The following SEZ6L variants were observed in gnomAD, a reference collection of about 807,000 sequenced individuals.
SEZ6L encodes the protein seizure 6-like protein.
In SEZ6L, 37 loss-of-function variants were observed where a neutral mutation model predicts 106.2. The ratio of observed to expected loss-of-function variants is 0.35; its 90% CI spans 0.27 to 0.46. SEZ6L has a LOEUF of 0.46. SEZ6L is among the 20% of genes least tolerant of loss of function. SEZ6L has a pLI of 1.00. For missense variants in SEZ6L, 1,172 were observed against 1,332.8 expected, an observed-to-expected ratio of 0.88 and a Z score of 1.88; for synonymous variants, 541 against 570.4, an observed-to-expected ratio of 0.95 and a Z score of 0.73.
intron 9 of SEZ6L, among the ~76,000 whole-genome samples, chr22:26,338,867 C>CT (rs71192914): frequency 6.6e-4 from 58 of 87,482 alleles, no homozygotes; most frequent in South Asian, 1.7e-3. Flanking sequence ...TTTTTTTTTT[C>CT]TTTTTTTTTT....
intron 1 of SEZ6L, among the ~76,000 whole-genome samples, chr22:26,194,193 G>T (rs1405873341): frequency 1.3e-5 from 2 of 152,188 alleles, no homozygotes; most frequent in African/African-American, 4.8e-5. Context: ...AACCTTACAT[G>T]CCACCATACT....
chr22:26,174,009 A>G (rs1178350338), intron 1 of SEZ6L, among the ~76,000 whole-genome samples: 1 of 152,170 alleles, frequency 6.6e-6, no homozygotes, highest in Admixed American at 6.5e-5. Flanking sequence ...GATCTATAGC[A>G]CTACGCATGC....
chr22:26,315,210 T>G (rs1343550716), intron 9 of SEZ6L, among the ~76,000 whole-genome samples: 1 of 152,178 alleles, frequency 6.6e-6, no homozygotes, highest in Non-Finnish European at 1.5e-5. Flanking sequence ...CTGGGTGCGG[T>G]GGCTCATGCC....
intron 1 of SEZ6L, among the ~76,000 whole-genome samples, chr22:26,275,492 AT>A (rs1176928048): frequency 2.0e-5 from 3 of 152,202 alleles, no homozygotes; most frequent in African/African-American, 4.8e-5. Flanking sequence ...CTATATTGTC[AT>A]TCCTCTTAAG....
At chr22:26,318,963 CT>C (rs969096175) in intron 9 of SEZ6L, among the ~76,000 whole-genome samples, 1 of 152,142 alleles carries the variant, frequency 6.6e-6, no homozygotes, top group Non-Finnish European at 1.5e-5. Context: ...GGGCCACACC[CT>C]GATTTGTAGC....
chr22:26,378,362 C>G (rs1016428116), intron 16 of SEZ6L, among the ~76,000 whole-genome samples: 4 of 152,068 alleles, frequency 2.6e-5, no homozygotes, highest in African/African-American at 9.7e-5. Flanking sequence ...ACATTGAGGT[C>G]CAGAGAGAGG....
At chr22:26,230,177 C>G (rs1268373901) in intron 1 of SEZ6L, among the ~76,000 whole-genome samples, 3 of 152,146 alleles carry the variant, frequency 2.0e-5, no homozygotes, top group African/African-American at 7.2e-5. Flanking sequence ...CTGAGACAAG[C>G]AGAATCTGCT....
At chr22:26,221,712 A>G (rs1574887) in intron 1 of SEZ6L, among the ~76,000 whole-genome samples, 123,490 of 151,984 alleles carry the variant, frequency 0.81, 51,030 homozygotes, top group Non-Finnish European at 0.89. Flanking sequence ...GTGTGTGTGC[A>G]CCTGAATTCA....
At chr22:26,343,324 CAAAAAA>C (rs763323751) in intron 10 of SEZ6L, among the ~76,000 whole-genome samples, 9 of 63,126 alleles carry the variant, frequency 1.4e-4, no homozygotes, top group African/African-American at 4.9e-4. Flanking sequence ...GCTTGATGGC[CAAAAAA>C]AAAAAAAAAA....
chr22:26,378,560 G>T (rs1251324201), intron 16 of SEZ6L, among the ~76,000 whole-genome samples: 1 of 152,146 alleles, frequency 6.6e-6, no homozygotes, highest in Non-Finnish European at 1.5e-5. Flanking sequence ...AAATTGAACA[G>T]GGCACTAGGA....
chr22:26,188,520 G>A lies in SEZ6L; in HGVS notation c.94+18757G>A, dbSNP rs541211202. Among the ~76,000 whole-genome samples the A allele has an allele frequency of 4.6e-5, 7 of 152,252 alleles. No homozygotes were observed. The East Asian group carries it at 1.4e-3, about 29-fold the overall frequency. On this transcript the variant is annotated intron_variant, in intron 1 of 16. Coordinates refer to ENST00000248933, the MANE Select transcript of SEZ6L (RefSeq NM_021115.5). Reference sequence around the variant, plus strand: ...AAGAGAGAGTGTCCTAAGAGCAAAAGTGCAAAGTGAAGCTCTCTAAACATG... The same window carrying A: ...AAGAGAGAGTGTCCTAAGAGCAAAAATGCAAAGTGAAGCTCTCTAAACATG...
At chr22:26,283,595 G>A (rs1283597483) in intron 1 of SEZ6L, among the ~76,000 whole-genome samples, 1 of 152,160 alleles carries the variant, frequency 6.6e-6, no homozygotes, top group Non-Finnish European at 1.5e-5. Flanking sequence ...GCAGTTTTCA[G>A]GATAATTCCT....
In SEZ6L at chr22:26,381,780, G is replaced by A; in HGVS notation, c.*1485G>A. On this transcript the variant is annotated 3_prime_UTR_variant, in exon 17 of 17. Coordinates refer to ENST00000248933, the MANE Select transcript of SEZ6L (RefSeq NM_021115.5). Reference sequence around the variant, plus strand: ...GTGTGAAGCAGATTCACCTTCCTGGGACCGGTGACATGGTGGTGACAGTCA... The same window carrying A: ...GTGTGAAGCAGATTCACCTTCCTGGAACCGGTGACATGGTGGTGACAGTCA... The A allele has an allele frequency of 3.4e-6, 1 of 293,468 alleles. No individual in the cohort carries two copies. The allele number at this position is 293,468 out of a possible 1,614,324, so 18.2% of individuals were successfully genotyped here. A position where few individuals can be genotyped will look rare whatever the true frequency, so the allele number is the denominator to read the frequency against.
intron 1 of SEZ6L, among the ~76,000 whole-genome samples, chr22:26,171,769 G>C (rs1468259275): frequency 6.6e-6 from 1 of 152,192 alleles, no homozygotes; most frequent in Non-Finnish European, 1.5e-5. Flanking sequence ...TAAGTGTGTG[G>C]TTCTGACTCT....
rs576551496 is a variant in SEZ6L, at chr22:26,192,171, T to C, written c.94+22408T>C. 4.6e-5 allele frequency among the ~76,000 whole-genome samples: 7 copies of C among 152,308 alleles called. No homozygotes were observed. In the South Asian group the frequency reaches 1.4e-3, roughly 32 times the overall value. On this transcript the variant is annotated intron_variant, in intron 1 of 16. Transcript: ENST00000248933. ...CCATCCATTTATCAATGCATCCTTT[T>C]ATCTGTCCACTCATCCACCTGTTGA...
intron 12 of SEZ6L, among the ~76,000 whole-genome samples, chr22:26,352,076 G>T (rs2083299539): frequency 6.6e-6 from 1 of 151,570 alleles, no homozygotes; most frequent in South Asian, 2.1e-4. Context: ...TGGGAGGATT[G>T]CTTGAGCCCA....
chr22:26,211,077 C>A (rs1203011779), intron 1 of SEZ6L, among the ~76,000 whole-genome samples: 1 of 152,168 alleles, frequency 6.6e-6, no homozygotes, highest in African/African-American at 2.4e-5. Flanking sequence ...CCCTGCCAAT[C>A]CTGCCCTTAA....
chr22:26,181,475 A>G (rs1265657269), intron 1 of SEZ6L, among the ~76,000 whole-genome samples: 3 of 152,232 alleles, frequency 2.0e-5, no homozygotes, highest in Non-Finnish European at 4.4e-5. Flanking sequence ...AATTTATGGC[A>G]TAAGTAAAAA....
At chr22:26,378,495 A>G (rs936406416) in intron 16 of SEZ6L, among the ~76,000 whole-genome samples, 3 of 152,212 alleles carry the variant, frequency 2.0e-5, no homozygotes, top group African/African-American at 7.2e-5. Flanking sequence ...TGACAATCCA[A>G]TGTGCCCATG....
Sources: gnomAD v4.1 joint callset for allele counts (sites outside exome capture counted in the v4.1 genomes callset) on GRCh38, gnomAD v4.1.1 for gene constraint, MANE v1.5 for transcripts, NCBI Gene and HGNC (gene_info 2026-07-23, HGNC 2026-07-21) for gene names.